ASAP2: variants seen among roughly 807,000 people sequenced by gnomAD.
The protein encoded by ASAP2 is arf-GAP with SH3 domain, ANK repeat and PH domain-containing protein 2.
In ASAP2, 45 loss-of-function variants were observed where a neutral mutation model predicts 131.4. That is an observed-to-expected ratio of 0.34 (90% CI 0.27 to 0.44). The LOEUF (loss-of-function observed/expected upper bound fraction) is 0.44. ASAP2 is among the 20% of genes least tolerant of loss of function. ASAP2 has a pLI of 1.00. For missense variants in ASAP2, 1,011 were observed against 1,297.0 expected (o/e 0.78, Z 3.39); for synonymous variants, 510 against 503.0 (o/e 1.01, Z -0.19).
At chr2:9,211,024 G>A (rs1225961699) in intron 1 of ASAP2, among the ~76,000 whole-genome samples, 1 of 151,872 alleles carries the variant, frequency 6.6e-6, no homozygotes, top group African/African-American at 2.4e-5. Flanking sequence ...GTGTGGTGGC[G>A]CATGCCTGTA....
At chr2:9,325,747 G>A (rs1670438783) in intron 6 of ASAP2, among the ~76,000 whole-genome samples, 1 of 152,204 alleles carries the variant, frequency 6.6e-6, no homozygotes, top group Non-Finnish European at 1.5e-5. Context: ...GAAATACACT[G>A]TGTAGATGAT....
intron 1 of ASAP2, among the ~76,000 whole-genome samples, chr2:9,225,755 G>A (rs530580010): frequency 1.3e-5 from 2 of 152,300 alleles, no homozygotes; most frequent in Admixed American, 6.5e-5. Flanking sequence ...GGCCACTGCC[G>A]TGGGAAGTGG....
intron 1 of ASAP2, among the ~76,000 whole-genome samples, chr2:9,225,643 G>A (rs1662709439): frequency 6.6e-6 from 1 of 152,126 alleles, no homozygotes; most frequent in Non-Finnish European, 1.5e-5. Context: ...AGTGACATGA[G>A]CATAGCTGGG....
At chr2:9,317,799 T>C (rs1669887604) in intron 3 of ASAP2, among the ~76,000 whole-genome samples, 1 of 139,714 alleles carries the variant, frequency 7.2e-6, no homozygotes. Context: ...CACAATCGCA[T>C]TCACACACTC....
At chr2:9,326,310 G>C (rs1670473559) in intron 6 of ASAP2, among the ~76,000 whole-genome samples, 4 of 152,206 alleles carry the variant, frequency 2.6e-5, no homozygotes, top group Admixed American at 2.6e-4. Context: ...AGTGCTTGCT[G>C]TTGTTTAGGT....
intron 2 of ASAP2, among the ~76,000 whole-genome samples, chr2:9,283,571 C>G (rs1351232602): frequency 6.6e-6 from 1 of 152,198 alleles, no homozygotes; most frequent in Non-Finnish European, 1.5e-5. Context: ...ATCTTCAAAG[C>G]TGGTCATGGC....
intron 1 of ASAP2, among the ~76,000 whole-genome samples, chr2:9,258,613 C>T (rs1665344213): frequency 6.6e-6 from 1 of 152,142 alleles, no homozygotes. Flanking sequence ...TTTCAGTCCC[C>T]ACAACAAATG....
At chr2:9,386,251 G>A (rs756937823) in intron 21 of ASAP2, among the ~76,000 whole-genome samples, 44 of 151,846 alleles carry the variant, frequency 2.9e-4, no homozygotes, top group Non-Finnish European at 5.6e-4. Flanking sequence ...GAAACCTGTT[G>A]GACTGTCTGC....
At chr2:9,228,206 A>C (rs534009295) in intron 1 of ASAP2, among the ~76,000 whole-genome samples, 3 of 152,208 alleles carry the variant, frequency 2.0e-5, no homozygotes, top group African/African-American at 7.2e-5. Flanking sequence ...AAGAAGTAAT[A>C]ATCTTGAATT....
intron 1 of ASAP2, among the ~76,000 whole-genome samples, chr2:9,234,098 G>A (rs562239405): frequency 2.5e-3 from 315 of 128,050 alleles, no homozygotes; most frequent in African/African-American, 9.0e-3. Flanking sequence ...GTGACAGAGC[G>A]AAGCTATGTC....
intron 1 of ASAP2, among the ~76,000 whole-genome samples, chr2:9,242,500 A>G (rs992994660): frequency 2.0e-5 from 3 of 152,228 alleles, no homozygotes; most frequent in Non-Finnish European, 2.9e-5. Flanking sequence ...CTAGCTTGAC[A>G]GGGATGGGCA....
intron 1 of ASAP2, among the ~76,000 whole-genome samples, chr2:9,209,339 C>CT (rs1661368670): frequency 1.3e-5 from 2 of 152,148 alleles, no homozygotes; most frequent in Non-Finnish European, 2.9e-5. Context: ...AAATAATGCT[C>CT]TTTCCCAGGT....
rs60624105 is a variant in ASAP2 at position 9,268,921 on chromosome 2, G to T, written c.127-10396G>T. Among the ~76,000 whole-genome samples, 3,750 of 152,236 alleles carry T rather than the reference G, an allele frequency of 0.025. 131 individuals carry two copies. Among genetic ancestry groups the T allele is most frequent in the African/African-American group, 0.078 (3,241 of 41,520 alleles). On this transcript the variant is annotated intron_variant, in intron 1 of 27. Transcript: ENST00000281419. This position sits in a 1 kb window ranked among gnomAD's most constrained non-coding sequence, Gnocchi z 4.1. ...CTGCTGGTTCGCATTGAGAACTCAG[G>T]GTGCTGGGGACAAACCGGTGCTGTG...
chr2:9,212,246 C>T (rs1321845360), intron 1 of ASAP2, among the ~76,000 whole-genome samples: 1 of 152,160 alleles, frequency 6.6e-6, no homozygotes, highest in Non-Finnish European at 1.5e-5. Flanking sequence ...GCAAGAGGAA[C>T]AGAATCCTGT....
At chr2:9,278,169 C>T (rs779406641) in intron 1 of ASAP2, among the ~76,000 whole-genome samples, 3 of 152,164 alleles carry the variant, frequency 2.0e-5, no homozygotes, top group African/African-American at 2.4e-5. Flanking sequence ...TGATTGGCAT[C>T]GCTATCCCAG....
intron 20 of ASAP2, among the ~76,000 whole-genome samples, chr2:9,382,295 A>C (rs1216158624): frequency 2.0e-5 from 3 of 152,142 alleles, no homozygotes; most frequent in East Asian, 1.9e-4. Context: ...GTCTCATTTA[A>C]TCTTCATAGC....
rs183193486 is a variant in ASAP2, at chr2:9,336,797, C to T, written c.849+1618C>T. ...TAGCGGTAACGAGGAGGAGGTAGTG[C>T]GAGGGCAGGAGCCAGAATGCCGTCC... is the stretch of plus-strand genomic sequence containing the variant. On this transcript the variant is annotated intron_variant, in intron 9 of 27. Coordinates refer to ENST00000281419, the MANE Select transcript of ASAP2 (RefSeq NM_003887.3). Among the ~76,000 whole-genome samples, 231 of 152,318 alleles carry T rather than the reference C, an allele frequency of 1.5e-3. 1 individual carries two copies. Among genetic ancestry groups the T allele is most frequent in the African/African-American group, 4.2e-3 (176 of 41,562 alleles).
chr2:9,358,237 TAAC>T (rs2148657567), intron 14 of ASAP2, among the ~76,000 whole-genome samples: 2 of 152,380 alleles, frequency 1.3e-5, no homozygotes, highest in South Asian at 4.1e-4. Context: ...CTGAAGCTCT[TAAC>T]AACACAAACT....
chr2:9,358,661 A>G, intron 14 of ASAP2, 95 bp from the exon 15 acceptor site: 1 of 1,457,980 alleles, frequency 6.9e-7, no homozygotes, highest in African/African-American at 1.4e-5. Context: ...GCTCATGCTC[A>G]GAACTGCTTG....
Sources: allele counts gnomAD v4.1 joint callset (sites outside exome capture counted in the v4.1 genomes callset), GRCh38; gene constraint gnomAD v4.1.1; non-coding constraint Gnocchi (gnomAD v3.1); transcripts MANE v1.5; gene names NCBI Gene and HGNC (gene_info 2026-07-23, HGNC 2026-07-21).